Variants in FRK observed in about 807,000 individuals in gnomAD.
The protein encoded by FRK is fyn related Src family tyrosine kinase, also known as tyrosine-protein kinase FRK.
In FRK, 51 loss-of-function variants were observed where a neutral mutation model predicts 56.4. The ratio of observed to expected loss-of-function variants is 0.90; its 90% CI spans 0.72 to 1.14. The LOEUF (loss-of-function observed/expected upper bound fraction) is 1.14. Among genes scored for constraint, FRK ranks in the 50% most tolerant of loss-of-function variants. FRK has a pLI of 0.00. For synonymous variants in FRK, 245 were observed against 217.9 expected (o/e 1.12, Z -1.10); for missense variants, 570 against 601.4 (o/e 0.95, Z 0.55).
At chr6:116,069,651 T>C in the FRK span, among the ~76,000 whole-genome samples, 2 of 152,160 alleles carry the variant, frequency 1.3e-5, no homozygotes, top group African/African-American at 4.8e-5. Context: ...TTAATTCTGC[T>C]TAGTTTCGTA....
At chr6:116,026,510 A>AGGAG (rs1224007465) in intron 1 of FRK, among the ~76,000 whole-genome samples, 341 of 82,546 alleles carry the variant, frequency 4.1e-3, no homozygotes, top group African/African-American at 0.011. Context: ...GAAGGAAGGA[A>AGGAG]GGAGGGAGGG....
intron 1 of FRK, 25 bp downstream of exon 1, chr6:116,059,943 T>C: frequency 6.4e-7 from 1 of 1,572,938 alleles, no homozygotes; most frequent in South Asian, 1.1e-5. Context: ...AGTTCAGAAA[T>C]TAAGTATAAG....
chr6:116,012,160 C>T (rs1775497184), intron 1 of FRK, among the ~76,000 whole-genome samples: 1 of 152,136 alleles, frequency 6.6e-6, no homozygotes, highest in Non-Finnish European at 1.5e-5. Context: ...GGCACTGTTG[C>T]TACAAGCTTT....
rs754085532 is a variant in FRK, at chr6:115,942,590, G to C, written c.1342C>G (p.Gln448Glu). The change falls in exon 8 of 8, where the codon CAA (glutamine) becomes GAA (glutamate). Residue 448 changes from glutamine (Q) to glutamate (E), a missense_variant. Gln to Glu is a conservative substitution (Grantham distance 29). Transcript: ENST00000606080. ...GATGGTTGCGGAAGTCTATAGTTTTGAGCCAACATCTGGATTACCTGGGCA... is the reference window on the plus strand; with the variant it reads ...GATGGTTGCGGAAGTCTATAGTTTTCAGCCAACATCTGGATTACCTGGGCA... ...TGAQVIQMLA[Q>E]NYRLPQPSNC... 1.9e-6 allele frequency: 3 copies of C among 1,613,662 alleles called. No homozygotes were observed. Among genetic ancestry groups the C allele is most frequent in the Non-Finnish European group, 2.5e-6 (3 of 1,179,746 alleles).
rs563890603 is a variant in FRK at position 115,942,290 on chromosome 6, T to G, written c.*124A>C. The G allele has an allele frequency of 1.2e-6, 1 of 806,658 alleles. No individual in the cohort carries two copies. The highest frequency in any genetic ancestry group is 1.7e-5 in the South Asian group (1 of 58,234). 50.0% of individuals were successfully genotyped at this position (806,658 alleles called of 1,614,324 possible). A position where few individuals can be genotyped will look rare whatever the true frequency, so the allele number is the denominator to read the frequency against. On this transcript the variant is annotated 3_prime_UTR_variant, in exon 8 of 8. Coordinates refer to ENST00000606080, the MANE Select transcript of FRK (RefSeq NM_002031.3). Reference sequence around the variant, plus strand: ...ATCTTTTTCATAATACATGGCCAACTTTATCCTATCACTTGAATATGTCAG... The same window carrying G: ...ATCTTTTTCATAATACATGGCCAACGTTATCCTATCACTTGAATATGTCAG...
chr6:116,003,457 C>G (rs1265306236), intron 2 of FRK, among the ~76,000 whole-genome samples: 2 of 152,082 alleles, frequency 1.3e-5, no homozygotes, highest in African/African-American at 4.8e-5. Context: ...CATATATTTG[C>G]ATTAATCATT....
At position 116,060,185 on chromosome 6, in the gene FRK, G is replaced by A. The variant is rs1469888384; in HGVS notation, c.127C>T (p.His43Tyr). ...AACAAAGCCACAAAGTAGTGGCCAT[G>A]CCTCTGTGACTGGGGAGAGCAAAGG... ...GALCSPQSQR[H>Y]GHYFVALFDY... is the part of the protein sequence containing the mutation. The change falls in exon 1 of 8, where the codon CAT (histidine) becomes TAT (tyrosine). Residue 43 changes from histidine to tyrosine, a missense_variant. His to Tyr is a moderately conservative substitution (Grantham distance 83). Transcript: ENST00000606080. 6.2e-7 allele frequency: 1 copy of A among 1,614,156 alleles called. No homozygotes were observed. Among genetic ancestry groups the A allele is most frequent in the Admixed American group, 1.7e-5 (1 of 60,022 alleles).
chr6:116,034,312 G>A lies in FRK; in HGVS notation c.344+25656C>T, dbSNP rs139007546. Among the ~76,000 whole-genome samples the A allele has an allele frequency of 1.5e-3, 234 of 152,170 alleles. 1 individual carries two copies. Among genetic ancestry groups the A allele is most frequent in the Non-Finnish European group, 2.5e-3 (168 of 67,986 alleles). ...AGGTGATGGATATCCCAATTACCCC[G>A]ACTTGATCATTATATATTGTATGCA... On this transcript the variant is annotated intron_variant, in intron 1 of 7. Transcript: ENST00000606080.
At chr6:116,051,069 C>T (rs529808807) in intron 1 of FRK, among the ~76,000 whole-genome samples, 1 of 152,166 alleles carries the variant, frequency 6.6e-6, no homozygotes, top group African/African-American at 2.4e-5. Flanking sequence ...TTCAGAGGAA[C>T]CTTAAAGTGG....
rs1378692061 is a variant in FRK at position 115,967,697 on chromosome 6, T to C, written c.653A>G (p.Asp218Gly). Residue 218 changes from aspartate to glycine, a missense_variant, in exon 4 of 8, where the codon GAT (aspartate) becomes GGT (glycine). By Grantham distance (94) the Asp-to-Gly change is moderately conservative. Transcript: ENST00000606080. ...TTGGTCCACGGTTTTATACGACAAATCAAATGGAGCTGGGACCTGGATCTG... is the reference window on the plus strand; with the variant it reads ...TTGGTCCACGGTTTTATACGACAAACCAAATGGAGCTGGGACCTGGATCTG... ...CLKIQVPAPF[D>G]LSYKTVDQWE... is the part of the protein sequence containing the mutation. 6 of 1,607,860 alleles carry C rather than the reference T, an allele frequency of 3.7e-6. No individual in the cohort carries two copies. The highest frequency in any genetic ancestry group is 3.3e-5 in the South Asian group (3 of 90,534).
chr6:116,018,262 T>C (rs1419527328), intron 1 of FRK, among the ~76,000 whole-genome samples: 1 of 152,214 alleles, frequency 6.6e-6, no homozygotes, highest in South Asian at 2.1e-4. Flanking sequence ...CCCCAGCACT[T>C]CTTAAATTGT....
chr6:116,068,496 AAAT>A, the FRK span, among the ~76,000 whole-genome samples: 55 of 152,328 alleles, frequency 3.6e-4, no homozygotes, highest in South Asian at 3.5e-3. Context: ...CATCAAAACC[AAAT>A]GCTGTATTTT....
At chr6:115,995,233 G>T (rs1232689566) in intron 2 of FRK, among the ~76,000 whole-genome samples, 1 of 152,064 alleles carries the variant, frequency 6.6e-6, no homozygotes, top group African/African-American at 2.4e-5. Flanking sequence ...TTGAATAGTT[G>T]AATAGGAAGT....
the FRK span, among the ~76,000 whole-genome samples, chr6:116,097,008 C>T: frequency 1.3e-5 from 2 of 152,116 alleles, no homozygotes; most frequent in African/African-American, 4.8e-5. Context: ...AATAAATTCA[C>T]ACACCAAAAA....
chr6:115,953,916 G>A (rs189065496), intron 5 of FRK, among the ~76,000 whole-genome samples: 5 of 152,278 alleles, frequency 3.3e-5, no homozygotes, highest in South Asian at 2.1e-4. Context: ...GTTATATTCA[G>A]AGGATACTAA....
the FRK span, among the ~76,000 whole-genome samples, chr6:116,099,142 T>A: frequency 2.0e-5 from 3 of 152,068 alleles, no homozygotes; most frequent in East Asian, 3.9e-4. Context: ...TCTTTAAGAG[T>A]GCCCTGGTTC....
intron 1 of FRK, among the ~76,000 whole-genome samples, chr6:116,021,272 G>T (rs190249472): frequency 6.6e-6 from 1 of 151,884 alleles, no homozygotes; most frequent in Non-Finnish European, 1.5e-5. Flanking sequence ...GAAAAGAAGG[G>T]TCACAAAATA....
chr6:116,036,594 T>C (rs1312451664), intron 1 of FRK, among the ~76,000 whole-genome samples: 1 of 152,180 alleles, frequency 6.6e-6, no homozygotes, highest in African/African-American at 2.4e-5. Flanking sequence ...AAATCCTTTA[T>C]ATCATCCCAA....
At chr6:115,948,376 T>C (rs1772550436) in intron 5 of FRK, among the ~76,000 whole-genome samples, 1 of 152,314 alleles carries the variant, frequency 6.6e-6, no homozygotes, top group African/African-American at 2.4e-5. Context: ...TGCAGCCTTA[T>C]AAGAGGACCT....
Sources: allele counts gnomAD v4.1 joint callset (sites outside exome capture counted in the v4.1 genomes callset), GRCh38; gene constraint gnomAD v4.1.1; transcripts MANE v1.5; gene names NCBI Gene and HGNC (gene_info 2026-07-23, HGNC 2026-07-21).